The following ATXN7 variants were observed in gnomAD, a reference collection of about 807,000 sequenced individuals.
ATXN7 encodes the protein ataxin-7.
A neutral mutation model predicts 70.5 loss-of-function variants in ATXN7; 12 were observed. That is an observed-to-expected ratio of 0.17 (90% confidence interval 0.11 to 0.28). ATXN7 has a LOEUF of 0.28. ATXN7 is among the 10% of genes least tolerant of loss of function. The probability of loss-of-function intolerance (pLI) is 1.00; values close to 1 mark genes in which losing one functional copy is unlikely to be tolerated. For synonymous variants in ATXN7, 498 were observed against 448.7 expected (o/e 1.11, Z -1.39); for missense variants, 1,256 against 1,131.7 (o/e 1.11, Z -1.58).
intron 5 of ATXN7, chr3:63,967,873 A>G: frequency 6.5e-7 from 1 of 1,535,340 alleles, no homozygotes; most frequent in Non-Finnish European, 8.7e-7. Context: ...GCAAGCCTGC[A>G]GTAGCAAGTG....
chr3:63,956,565 G>C (rs1175213152), intron 5 of ATXN7, among the ~76,000 whole-genome samples: 1 of 152,022 alleles, frequency 6.6e-6, no homozygotes, highest in African/African-American at 2.4e-5. Flanking sequence ...GCTTCCCAAG[G>C]CCCACTCCAG....
At chr3:63,891,375 G>A (rs1703259125) in intron 1 of ATXN7, among the ~76,000 whole-genome samples, 1 of 151,526 alleles carries the variant, frequency 6.6e-6, no homozygotes, top group Admixed American at 6.6e-5. Flanking sequence ...CTGAAGTACA[G>A]TGGCACAGTC....
chr3:63,921,720 A>G (rs1704518654), intron 4 of ATXN7, among the ~76,000 whole-genome samples: 1 of 152,198 alleles, frequency 6.6e-6, no homozygotes, highest in Non-Finnish European at 1.5e-5. Flanking sequence ...GCTCAAATCT[A>G]AGATCTAGTA....
chr3:63,875,515 C>T (rs1264830016), intron 1 of ATXN7, among the ~76,000 whole-genome samples: 1 of 152,062 alleles, frequency 6.6e-6, no homozygotes, highest in Non-Finnish European at 1.5e-5. Flanking sequence ...CCTTGGAGGC[C>T]CAGCATCTTT....
intron 1 of ATXN7, among the ~76,000 whole-genome samples, chr3:63,868,309 AC>A (rs1288677078): frequency 6.6e-6 from 1 of 152,122 alleles, no homozygotes; most frequent in Non-Finnish European, 1.5e-5. Context: ...GTAGCTACTT[AC>A]CCTGCTTGAC....
At chr3:63,910,129 G>C (rs777007063) in intron 2 of ATXN7, among the ~76,000 whole-genome samples, 3 of 152,212 alleles carry the variant, frequency 2.0e-5, no homozygotes, top group African/African-American at 7.2e-5. Flanking sequence ...TGGGAAAGAA[G>C]TTGAAGTACT....
At chr3:63,998,208 G>T (rs897680088) in intron 12 of ATXN7, 4 of 920,878 alleles carry the variant, frequency 4.3e-6, no homozygotes, top group Admixed American at 7.6e-5. Flanking sequence ...GAAGGGGGGG[G>T]GGCCAGGTGG....
At chr3:63,979,696 A>G (rs1321310216) in intron 5 of ATXN7, among the ~76,000 whole-genome samples, 1 of 152,166 alleles carries the variant, frequency 6.6e-6, no homozygotes, top group African/African-American at 2.4e-5. Context: ...AAAACTCTTT[A>G]TGCTGAGATA....
chr3:63,927,816 A>G (rs1347478970), intron 4 of ATXN7, among the ~76,000 whole-genome samples: 1 of 152,032 alleles, frequency 6.6e-6, no homozygotes, highest in African/African-American at 2.4e-5. Flanking sequence ...TCTGCTGTAG[A>G]TTTTAAATGC....
intron 1 of ATXN7, among the ~76,000 whole-genome samples, chr3:63,874,149 C>T (rs955650655): frequency 2.6e-5 from 4 of 152,214 alleles, no homozygotes; most frequent in Admixed American, 2.0e-4. Context: ...GCATTTTCCT[C>T]ATTTTTAAAG....
intron 1 of ATXN7, among the ~76,000 whole-genome samples, chr3:63,868,105 C>G (rs1336247576): frequency 6.6e-6 from 1 of 152,202 alleles, no homozygotes; most frequent in Non-Finnish European, 1.5e-5. Context: ...AAGATTTGAT[C>G]TTGACACCAG....
intron 4 of ATXN7, among the ~76,000 whole-genome samples, chr3:63,942,854 A>G (rs966106128): frequency 6.6e-6 from 1 of 152,238 alleles, no homozygotes; most frequent in Non-Finnish European, 1.5e-5. Context: ...TCTATTTTAC[A>G]AGTGAGTATA....
chr3:63,894,625 A>G, intron 1 of ATXN7, among the ~76,000 whole-genome samples: 1 of 152,138 alleles, frequency 6.6e-6, no homozygotes, highest in East Asian at 1.9e-4. Flanking sequence ...CCCAGGCTCA[A>G]GTGATCCTCC....
At chr3:63,979,499 C>T (rs778585747) in intron 5 of ATXN7, among the ~76,000 whole-genome samples, 5 of 152,066 alleles carry the variant, frequency 3.3e-5, no homozygotes, top group Admixed American at 1.3e-4. Context: ...CAGAGAGGTG[C>T]GGTGTTAGAA....
intron 4 of ATXN7, among the ~76,000 whole-genome samples, chr3:63,919,990 C>G (rs1281097009): frequency 2.0e-5 from 3 of 151,936 alleles, no homozygotes; most frequent in Admixed American, 2.0e-4. Flanking sequence ...TGCCCCTGAG[C>G]TGGTTTAGAG....
rs1559662910 is a variant in ATXN7, at chr3:63,995,864, G to A, written c.2042G>A (p.Arg681Lys). ...PQKLKSSKSL[R>K]PKESSGNSTN... is the part of the protein sequence containing the mutation. ...AAATTGAAATCCAGCAAATCTTTGA[G>A]GCCCAAGGAGTCTTCTGGTAACAGC... Residue 681 changes from arginine to lysine, a missense_variant, in exon 12 of 13, where the codon AGG (arginine) becomes AAG (lysine). Coordinates refer to ENST00000674280, the MANE Select transcript of ATXN7 (RefSeq NM_001377405.1). 1.2e-6 allele frequency: 2 copies of A among 1,614,056 alleles called. No homozygotes were observed.
chr3:63,934,128 G>A (rs1195228718), intron 4 of ATXN7, among the ~76,000 whole-genome samples: 1 of 152,174 alleles, frequency 6.6e-6, no homozygotes, highest in African/African-American at 2.4e-5. Flanking sequence ...GTATTGAGAA[G>A]CCAAAGACTA....
At chr3:63,998,387 C>T in intron 12 of ATXN7, 1 of 985,040 alleles carries the variant, frequency 1.0e-6, no homozygotes, top group Non-Finnish European at 1.2e-6. Flanking sequence ...CACACGTATA[C>T]ACACACACTT....
chr3:63,924,398 T>TACAGAGGACATGGAAAGTCGTGGG (rs532588340), intron 4 of ATXN7, among the ~76,000 whole-genome samples: 155 of 152,196 alleles, frequency 1.0e-3, no homozygotes, highest in Non-Finnish European at 1.8e-3. Context: ...ATCCTCAACA[T>TACAGAGGACATGGAAAGTCGTGGG]ACAGAGGACA....
Sources: gnomAD v4.1 joint callset for allele counts (sites outside exome capture counted in the v4.1 genomes callset) on GRCh38, gnomAD v4.1.1 for gene constraint, MANE v1.5 for transcripts, NCBI Gene and HGNC (gene_info 2026-07-23, HGNC 2026-07-21) for gene names.